MTOR: variants seen among roughly 807,000 people sequenced by gnomAD.
MTOR encodes the protein serine/threonine-protein kinase mTOR.
In MTOR, 70 loss-of-function variants were observed where a neutral mutation model predicts 319.8. That is an observed-to-expected ratio of 0.22 (90% CI 0.18 to 0.27). MTOR has a LOEUF of 0.27. MTOR is among the 10% of genes least tolerant of loss of function. MTOR has a pLI of 1.00. For missense variants in MTOR, 1,890 were observed against 3,274.4 expected (o/e 0.58, Z 10.32); for synonymous variants, 1,183 against 1,211.4 (o/e 0.98, Z 0.49).
intron 49 of MTOR, among the ~76,000 whole-genome samples, chr1:11,120,693 C>T (rs1438261027): frequency 6.6e-6 from 1 of 152,116 alleles, no homozygotes; most frequent in Non-Finnish European, 1.5e-5. Flanking sequence ...TTGTATGTAA[C>T]CTATGCACAA....
rs978520468 is a variant in MTOR, at chr1:11,241,593, T to C, written c.1501A>G (p.Ile501Val). 1.4e-5 allele frequency: 22 copies of C among 1,614,046 alleles called. No individual in the cohort carries two copies. The highest frequency in any genetic ancestry group is 1.9e-5 in the Non-Finnish European group (22 of 1,179,914). Residue 501 changes from isoleucine (I) to valine (V), a missense_variant, in exon 10 of 58, where the codon ATC becomes GTC. Ile to Val is a conservative substitution (Grantham distance 29). This residue lies in a region of MTOR where 418 missense variants were observed against 543.1 expected (regional missense o/e 0.77). Coordinates refer to ENST00000361445, the MANE Select transcript of MTOR (RefSeq NM_004958.4). ...AGCATGGGCTCCAGCAGCTCCTTGATATCCTGCTGGATGCCTGGCCCCATT... is the reference window on the plus strand; with the variant it reads ...AGCATGGGCTCCAGCAGCTCCTTGACATCCTGCTGGATGCCTGGCCCCATT... ...RAMGPGIQQD[I>V]KELLEPMLAV...
intron 19 of MTOR, among the ~76,000 whole-genome samples, chr1:11,221,156 G>A (rs1022224030): frequency 4.6e-5 from 7 of 151,996 alleles, no homozygotes; most frequent in African/African-American, 1.2e-4. Flanking sequence ...CACCATGCCC[G>A]GCTAATCTTT....
chr1:11,210,208 G>C (rs139602822), intron 24 of MTOR, among the ~76,000 whole-genome samples: 1 of 152,178 alleles, frequency 6.6e-6, no homozygotes, highest in Non-Finnish European at 1.5e-5. Flanking sequence ...TGCCACCCAG[G>C]CTGGAGTGCA....
At chr1:11,118,371 GGA>G (rs1296126998) in intron 49 of MTOR, among the ~76,000 whole-genome samples, 1 of 38,200 alleles carries the variant, frequency 2.6e-5, no homozygotes, top group Admixed American at 5.4e-4. Flanking sequence ...TGAGTAGCTA[GGA>G]TAACAGGCAC....
intron 5 of MTOR, among the ~76,000 whole-genome samples, chr1:11,255,244 G>T (rs1257391911): frequency 6.6e-6 from 1 of 151,816 alleles, no homozygotes; most frequent in African/African-American, 2.4e-5. Flanking sequence ...TTGGCTGGGC[G>T]TGATGGCACA....
chr1:11,238,643 A>C (rs1647529513), intron 11 of MTOR, 26 bp from the exon 12 acceptor site: 1 of 1,582,366 alleles, frequency 6.3e-7, no homozygotes, highest in Non-Finnish European at 8.6e-7. Context: ...GAGAGAAAAC[A>C]GAATAAACAC....
In MTOR at chr1:11,240,534, C is replaced by T. The variant is rs201577876; in HGVS notation, c.1555G>A (p.Ala519Thr). Reference sequence around the variant, plus strand: ...TGACGGCTCAGGTCGTAGAGCACTGCAGTGAGGGCAGGGCTGAGGGGAAGG... The same window carrying T: ...TGACGGCTCAGGTCGTAGAGCACTGTAGTGAGGGCAGGGCTGAGGGGAAGG... ...LAVGLSPALT[A>T]VLYDLSRQIP... is the part of the protein sequence containing the mutation. Residue 519 changes from alanine (A) to threonine (T), a missense_variant, in exon 11 of 58, where the codon GCA becomes ACA. Ala to Thr is a moderately conservative substitution (Grantham distance 58). This residue lies in a region of MTOR where 418 missense variants were observed against 543.1 expected (regional missense o/e 0.77). Transcript: ENST00000361445. 1.9e-4 allele frequency: 299 copies of T among 1,613,880 alleles called. No homozygotes were observed. Among genetic ancestry groups the T allele is most frequent in the Non-Finnish European group, 2.4e-4 (289 of 1,179,948 alleles).
chr1:11,177,702 T>G (rs1645032679), intron 28 of MTOR, among the ~76,000 whole-genome samples: 1 of 152,186 alleles, frequency 6.6e-6, no homozygotes, highest in South Asian at 2.1e-4. Context: ...ACACGCTAAA[T>G]CTGTATGTGA....
At chr1:11,214,894 C>T (rs757175186) in intron 20 of MTOR, among the ~76,000 whole-genome samples, 9 of 152,186 alleles carry the variant, frequency 5.9e-5, no homozygotes, top group Non-Finnish European at 1.2e-4. Context: ...TCATCAGCTC[C>T]TCACAGGGGC....
intron 29 of MTOR, among the ~76,000 whole-genome samples, chr1:11,167,154 T>G (rs1215922851): frequency 6.6e-6 from 1 of 151,520 alleles, no homozygotes; most frequent in African/African-American, 2.4e-5. Flanking sequence ...AAATGACGAG[T>G]TAATGGGTGC....
At chr1:11,156,901 C>T (rs2100564849) in intron 30 of MTOR, among the ~76,000 whole-genome samples, 1 of 152,244 alleles carries the variant, frequency 6.6e-6, no homozygotes, top group Admixed American at 6.5e-5. Context: ...AAGTAGATCC[C>T]AGGAGCACCC....
chr1:11,233,341 G>A, intron 15 of MTOR, 57 bp downstream of exon 15: 1 of 1,479,020 alleles, frequency 6.8e-7, no homozygotes, highest in Non-Finnish European at 9.4e-7. Flanking sequence ...GACTTCCTTA[G>A]AGGTTAGTTT....
intron 32 of MTOR, among the ~76,000 whole-genome samples, 173 bp downstream of exon 32, chr1:11,146,503 C>T (rs1643934643): frequency 6.6e-6 from 1 of 152,226 alleles, no homozygotes; most frequent in African/African-American, 2.4e-5. Context: ...GTAGCCCCAG[C>T]TGACCTGCTG....
At position 11,127,278 on chromosome 1, in the gene MTOR, A is replaced by G; in HGVS notation, c.6217-134T>C. ...AAAACACTGGCAGGGGGCTGGAGAA[A>G]GCAAGAGCATAGGTGCAGGCCTCCA... On this transcript the variant is annotated intron_variant, in intron 44 of 57. Transcript: ENST00000361445. The surrounding 1 kb of genome is among the most constrained non-coding windows in gnomAD (Gnocchi z 5.5). 7.8e-7 allele frequency: 1 copy of G among 1,276,224 alleles called. No individual in the cohort carries two copies. The highest frequency in any genetic ancestry group is 1.1e-6 in the Non-Finnish European group (1 of 930,338). 79.1% of individuals were successfully genotyped at this position (1,276,224 alleles called of 1,614,324 possible).
chr1:11,109,377 T>C lies in MTOR; in HGVS notation c.7448-7A>G, dbSNP rs368107738. The C allele has an allele frequency of 1.2e-6, 2 of 1,612,840 alleles. No individual in the cohort carries two copies. Among genetic ancestry groups the C allele is most frequent in the Non-Finnish European group, 1.7e-6 (2 of 1,179,192 alleles). On this transcript the variant is annotated splice_polypyrimidine_tract_variant and splice_region_variant and intron_variant, in intron 55 of 57. Coordinates refer to ENST00000361445, the MANE Select transcript of MTOR (RefSeq NM_004958.4). This position sits in a 1 kb window ranked among gnomAD's most constrained non-coding sequence, Gnocchi z 4.0. ...TTCACCAAACCGTCTCCAACTGGAATACACAAAAGTAGAAATAACTGTAAG... is the reference window on the plus strand; with the variant it reads ...TTCACCAAACCGTCTCCAACTGGAACACACAAAAGTAGAAATAACTGTAAG...
chr1:11,173,057 G>A (rs368432009), intron 28 of MTOR, among the ~76,000 whole-genome samples: 1 of 150,798 alleles, frequency 6.6e-6, no homozygotes, highest in African/African-American at 2.4e-5. Flanking sequence ...GCAATGGCAC[G>A]ATCTCAGCTC....
At chr1:11,238,227 T>C (rs909349399) in intron 12 of MTOR, among the ~76,000 whole-genome samples, 175 bp downstream of exon 12, 8 of 152,238 alleles carry the variant, frequency 5.3e-5, no homozygotes, top group Non-Finnish European at 7.3e-5. Context: ...TAAAGGTAGA[T>C]TATCTTACAC....
chr1:11,215,548 T>C (rs560328469), intron 20 of MTOR, among the ~76,000 whole-genome samples: 1 of 152,338 alleles, frequency 6.6e-6, no homozygotes, highest in Admixed American at 6.5e-5. Context: ...TGAAGCAATC[T>C]TCCCCGTAGA....
intron 28 of MTOR, among the ~76,000 whole-genome samples, chr1:11,173,828 G>C (rs1203032299): frequency 1.3e-5 from 2 of 152,166 alleles, no homozygotes; most frequent in Admixed American, 1.3e-4. Context: ...TAATCCTGGT[G>C]ATCAAGAGAG....
Sources: allele counts gnomAD v4.1 joint callset (sites outside exome capture counted in the v4.1 genomes callset), GRCh38; gene constraint gnomAD v4.1.1; regional missense constraint gnomAD v4.1.1; non-coding constraint Gnocchi (gnomAD v3.1); transcripts MANE v1.5; gene names NCBI Gene and HGNC (gene_info 2026-07-23, HGNC 2026-07-21).